The following EML4 variants were observed in gnomAD, a reference collection of about 807,000 sequenced individuals.
EML4 encodes the protein echinoderm microtubule-associated protein-like 4.
In EML4, 72 loss-of-function variants were observed where a neutral mutation model predicts 129.0. The observed-to-expected ratio is 0.56, with a 90% CI of 0.46 to 0.68. The LOEUF (loss-of-function observed/expected upper bound fraction) is 0.68. EML4 is among the 30% of genes least tolerant of loss of function. EML4 has a pLI of 0.00. For synonymous variants in EML4, 532 were observed against 405.0 expected (o/e 1.31, Z -3.77); for missense variants, 1,363 against 1,190.6 (o/e 1.14, Z -2.13).
chr2:42,183,871 G>A (rs1671094399), intron 1 of EML4, among the ~76,000 whole-genome samples: 1 of 152,094 alleles, frequency 6.6e-6, no homozygotes, highest in South Asian at 2.1e-4. Flanking sequence ...AGAATTCTCA[G>A]GATGCTGGGG....
chr2:42,307,570 A>G (rs1403423437), intron 17 of EML4, among the ~76,000 whole-genome samples: 1 of 152,224 alleles, frequency 6.6e-6, no homozygotes, highest in East Asian at 1.9e-4. Flanking sequence ...AAATGGAAAA[A>G]TCTTAATGTA....
intron 6 of EML4, among the ~76,000 whole-genome samples, chr2:42,278,538 C>G (rs185946197): frequency 7.9e-6 from 1 of 127,046 alleles, no homozygotes; most frequent in Non-Finnish European, 1.5e-5. Flanking sequence ...CATGCGACTG[C>G]ACTCCAGCCT....
chr2:42,248,157 G>A (rs1445060642), intron 2 of EML4, among the ~76,000 whole-genome samples: 2 of 151,616 alleles, frequency 1.3e-5, no homozygotes, highest in African/African-American at 4.8e-5. Context: ...TCTTTTTTTT[G>A]TACAGGCGGA....
rs145660390 is a variant in EML4, at chr2:42,292,816, C to T, written c.1219-2309C>T. Among the ~76,000 whole-genome samples, 332 of 152,242 alleles carry T rather than the reference C, an allele frequency of 2.2e-3. 1 individual carries two copies. The highest frequency in any genetic ancestry group is 7.5e-3 in the African/African-American group (313 of 41,558). On this transcript the variant is annotated intron_variant, in intron 11 of 22. Coordinates refer to ENST00000318522, the MANE Select transcript of EML4 (RefSeq NM_019063.5). ...TATATCCTGTAAGGCAATACTCATA[C>T]GCAAAGTGATTTAAACTCATAGATT...
chr2:42,329,050 G>A (rs111661478), intron 22 of EML4, 34 bp downstream of exon 22: 6 of 1,594,856 alleles, frequency 3.8e-6, no homozygotes, highest in Non-Finnish European at 5.1e-6. Context: ...AATGTTATAA[G>A]GCCTTCTGTC....
intron 17 of EML4, among the ~76,000 whole-genome samples, chr2:42,311,035 A>G (rs1007238243): frequency 6.6e-6 from 1 of 152,230 alleles, no homozygotes; most frequent in Non-Finnish European, 1.5e-5. Context: ...TAATTAAAGA[A>G]ATAGAAAACT....
chr2:42,279,210 G>A (rs1332398590), intron 6 of EML4, among the ~76,000 whole-genome samples: 3 of 152,054 alleles, frequency 2.0e-5, no homozygotes, highest in East Asian at 1.9e-4. Flanking sequence ...TTGAGTTTAG[G>A]TTGTTTCCAC....
At chr2:42,238,992 C>T (rs963333406) in intron 1 of EML4, among the ~76,000 whole-genome samples, 3 of 152,156 alleles carry the variant, frequency 2.0e-5, no homozygotes, top group Non-Finnish European at 2.9e-5. Context: ...TGGTCTTGAA[C>T]TCCTCGGCTC....
At chr2:42,248,247 G>A (rs1368180569) in intron 2 of EML4, among the ~76,000 whole-genome samples, 1 of 151,848 alleles carries the variant, frequency 6.6e-6, no homozygotes, top group African/African-American at 2.4e-5. Context: ...TTTTTAATAT[G>A]CTGAAAAAAC....
chr2:42,276,244 T>G (rs540145808), intron 6 of EML4, among the ~76,000 whole-genome samples: 12 of 152,124 alleles, frequency 7.9e-5, no homozygotes, highest in Non-Finnish European at 1.8e-4. Flanking sequence ...AGTAAACATT[T>G]TAAAATTGGC....
At chr2:42,245,431 A>G in intron 1 of EML4, 74 bp from the exon 2 acceptor site, 2 of 1,363,508 alleles carry the variant, frequency 1.5e-6, no homozygotes, top group South Asian at 2.6e-5. Context: ...CTTATGTGGG[A>G]TGGTTTTTCT....
intron 1 of EML4, among the ~76,000 whole-genome samples, chr2:42,182,956 G>C (rs1159365569): frequency 6.6e-6 from 1 of 152,012 alleles, no homozygotes; most frequent in Non-Finnish European, 1.5e-5. Context: ...AGTTGTATTG[G>C]ATGAGGCCCC....
At chr2:42,219,652 T>C (rs1673431195) in intron 1 of EML4, among the ~76,000 whole-genome samples, 1 of 152,152 alleles carries the variant, frequency 6.6e-6, no homozygotes. Context: ...GTGCAGTGGC[T>C]CACGCCTGTA....
rs759089220 is a variant in EML4, at chr2:42,258,096, T to G, written c.338+1466T>G. ...GCTTGTTGCTGTGTAGTGATCAGTA[T>G]TATGCACATTAGTGATTCAACAATC... On this transcript the variant is annotated intron_variant, in intron 3 of 22. Transcript: ENST00000318522. Among the ~76,000 whole-genome samples the G allele has an allele frequency of 2.6e-4, 40 of 152,292 alleles. No homozygotes were observed. The Middle Eastern group carries it at 0.01, about 39-fold the overall frequency.
intron 7 of EML4, among the ~76,000 whole-genome samples, chr2:42,282,008 A>G (rs940290693): frequency 6.6e-6 from 1 of 152,110 alleles, no homozygotes; most frequent in Non-Finnish European, 1.5e-5. Flanking sequence ...GTTCCTTGCT[A>G]TTACTTATTT....
In EML4 at chr2:42,245,599, G is replaced by C. The variant is rs143934284; in HGVS notation, c.120G>C (p.Val40=). Residue 40 remains valine, a synonymous_variant, in exon 2 of 23, where the codon GTG becomes GTC. Transcript: ENST00000318522. Reference sequence around the variant, plus strand: ...AGCAACAAGAAGATGAAATCACTGTGCTAAAGGCGGCTTTGGCTGATGTTT... The same window carrying C: ...AGCAACAAGAAGATGAAATCACTGTCCTAAAGGCGGCTTTGGCTGATGTTT... The part of the protein sequence containing the change: ...RVQQQEDEIT[V]LKAALADVLR... The C allele has an allele frequency of 3.1e-5, 50 of 1,613,714 alleles. No homozygotes were observed. Among genetic ancestry groups the C allele is most frequent in the African/African-American group, 8.0e-5 (6 of 74,904 alleles).
chr2:42,195,727 A>T (rs1033967143), intron 1 of EML4, among the ~76,000 whole-genome samples: 5 of 152,180 alleles, frequency 3.3e-5, no homozygotes, highest in Non-Finnish European at 5.9e-5. Flanking sequence ...CTTGTTGATT[A>T]TATTTGGTTC....
intron 17 of EML4, among the ~76,000 whole-genome samples, chr2:42,309,682 C>G (rs1446357502): frequency 1.3e-5 from 2 of 152,116 alleles, no homozygotes; most frequent in African/African-American, 2.4e-5. Context: ...TTATTGGCCA[C>G]TTGTATATCC....
At position 42,330,462 on chromosome 2, in the gene EML4, CTG is replaced by C; in HGVS notation, c.*259_*260del. On this transcript the variant is annotated 3_prime_UTR_variant, in exon 23 of 23. Coordinates refer to ENST00000318522, the MANE Select transcript of EML4 (RefSeq NM_019063.5). ...ATCATTAATGATGTCTCACAAATTA[CTG>C]TGTACCTAAGTGGTGTGATGTAAAT... 1.8e-6 allele frequency: 1 copy of C among 567,670 alleles called. No individual in the cohort carries two copies. The highest frequency in any genetic ancestry group is 3.2e-6 in the Non-Finnish European group (1 of 313,466). 35.2% of individuals were successfully genotyped at this position (567,670 alleles called of 1,614,324 possible).
Sources: gnomAD v4.1 joint callset for allele counts (sites outside exome capture counted in the v4.1 genomes callset) on GRCh38, gnomAD v4.1.1 for gene constraint, MANE v1.5 for transcripts, NCBI Gene and HGNC (gene_info 2026-07-23, HGNC 2026-07-21) for gene names.